NKD1: variants seen among roughly 807,000 people sequenced by gnomAD.
NKD1 encodes the protein NKD inhibitor of Wnt signaling pathway 1, also known as protein naked cuticle homolog 1.
In NKD1, 21 loss-of-function variants were observed where a neutral mutation model predicts 56.0. That is an observed-to-expected ratio of 0.38 (90% confidence interval 0.27 to 0.54). The LOEUF (loss-of-function observed/expected upper bound fraction) is 0.54. Among genes scored for constraint, NKD1 ranks in the 20% least tolerant of loss-of-function variants. The pLI, the probability that NKD1 is intolerant of heterozygous loss-of-function variation, is 0.82. For synonymous variants in NKD1, 263 were observed against 265.7 expected, an observed-to-expected ratio of 0.99 and a Z score of 0.10; for missense variants, 578 against 642.7, an observed-to-expected ratio of 0.90 and a Z score of 1.09.
chr16:50,559,126 A>G (rs1206864493), intron 3 of NKD1, among the ~76,000 whole-genome samples: 1 of 152,156 alleles, frequency 6.6e-6, no homozygotes, highest in Non-Finnish European at 1.5e-5. Flanking sequence ...ACATCTGTGG[A>G]ATGGGTAGAG....
intron 8 of NKD1, among the ~76,000 whole-genome samples, chr16:50,631,916 G>A (rs1244010267): frequency 6.6e-6 from 1 of 152,360 alleles, no homozygotes; most frequent in South Asian, 2.1e-4. Context: ...CAGGCCAGGG[G>A]TTAGGCCGCC....
At chr16:50,611,034 C>G (rs1596741268) in intron 4 of NKD1, among the ~76,000 whole-genome samples, 1 of 152,192 alleles carries the variant, frequency 6.6e-6, no homozygotes, top group Non-Finnish European at 1.5e-5. Context: ...TCAGCGCACA[C>G]CCAGCCTCCC....
intron 4 of NKD1, among the ~76,000 whole-genome samples, chr16:50,610,083 C>T (rs1015563222): frequency 1.3e-5 from 2 of 152,144 alleles, no homozygotes; most frequent in Admixed American, 6.5e-5. Flanking sequence ...ATAATCTCAG[C>T]ACTTTGGGAA....
chr16:50,580,481 G>T (rs1567339881), intron 3 of NKD1, among the ~76,000 whole-genome samples: 1 of 152,262 alleles, frequency 6.6e-6, no homozygotes, highest in Admixed American at 6.5e-5. Flanking sequence ...AAGCACTCAA[G>T]AGAATAAGGG....
chr16:50,644,193 C>G lies in NKD1; in HGVS notation c.*10412C>G, dbSNP rs989422130. On this transcript the variant is annotated 3_prime_UTR_variant, in exon 10 of 10. Coordinates refer to ENST00000268459, the MANE Select transcript of NKD1 (RefSeq NM_033119.5). ...ACAAATTTTAGTGAATAGGCAATTT[C>G]GTAAATACAGAATCCACGGAGGGTG... The G allele has an allele frequency of 6.6e-6, 1 of 152,240 alleles. No individual in the cohort carries two copies. The highest frequency in any genetic ancestry group is 1.5e-5 in the Non-Finnish European group (1 of 68,038). 9.4% of individuals were successfully genotyped at this position (152,240 alleles called of 1,614,324 possible).
In NKD1 at chr16:50,643,508, C is replaced by T. The variant is rs1008335421; in HGVS notation, c.*9727C>T. On this transcript the variant is annotated 3_prime_UTR_variant, in exon 10 of 10. Coordinates refer to ENST00000268459, the MANE Select transcript of NKD1 (RefSeq NM_033119.5). ...GCTGGTGTGGCCGAGACCTCAGCCT[C>T]AGCAAGATGGTGCCCCAAGCTCTCA... The T allele has an allele frequency of 6.6e-6, 1 of 152,266 alleles. No individual in the cohort carries two copies. The highest frequency in any genetic ancestry group is 2.4e-5 in the African/African-American group (1 of 41,464). The allele number at this position is 152,266 out of a possible 1,614,324, so 9.4% of individuals were successfully genotyped here. A position where few individuals can be genotyped will look rare whatever the true frequency, so the allele number is the denominator to read the frequency against.
chr16:50,563,738 G>C (rs1249778865), intron 3 of NKD1, among the ~76,000 whole-genome samples: 1 of 141,706 alleles, frequency 7.1e-6, no homozygotes, highest in Non-Finnish European at 1.5e-5. Context: ...GCATGGAGAA[G>C]ACCCTGTGTG....
At chr16:50,627,427 G>A (rs1189987045) in intron 6 of NKD1, among the ~76,000 whole-genome samples, 2 of 152,164 alleles carry the variant, frequency 1.3e-5, no homozygotes, top group Non-Finnish European at 2.9e-5. Flanking sequence ...AAGGAAGGTG[G>A]CCCAGCCCGG....
At chr16:50,616,418 A>G (rs1961961467) in intron 4 of NKD1, among the ~76,000 whole-genome samples, 1 of 152,182 alleles carries the variant, frequency 6.6e-6, no homozygotes, top group Non-Finnish European at 1.5e-5. Flanking sequence ...GTATCATCCC[A>G]GGTTTGGATT....
At chr16:50,575,452 A>C in intron 3 of NKD1, 1 of 640,234 alleles carries the variant, frequency 1.6e-6, no homozygotes, top group Non-Finnish European at 1.9e-6. Flanking sequence ...AGGGATTTGA[A>C]GAGCCCCTTT....
chr16:50,582,975 C>G (rs1961150054), intron 3 of NKD1, among the ~76,000 whole-genome samples: 1 of 152,198 alleles, frequency 6.6e-6, no homozygotes, highest in African/African-American at 2.4e-5. Flanking sequence ...CCCCTGCACT[C>G]CAGCCTGGCG....
intron 6 of NKD1, among the ~76,000 whole-genome samples, chr16:50,627,666 T>C (rs1365340572): frequency 6.6e-6 from 1 of 152,212 alleles, no homozygotes; most frequent in East Asian, 1.9e-4. Context: ...GTGGGCCAGC[T>C]TTCCAATCAG....
At chr16:50,605,032 A>G (rs1333136249) in intron 3 of NKD1, among the ~76,000 whole-genome samples, 1 of 152,196 alleles carries the variant, frequency 6.6e-6, no homozygotes, top group African/African-American at 2.4e-5. Context: ...CTCTGCTCCC[A>G]TGCCCACAGG....
chr16:50,572,888 G>A (rs1268377396), intron 3 of NKD1: 2 of 984,156 alleles, frequency 2.0e-6, no homozygotes, highest in Middle Eastern at 5.2e-4. Flanking sequence ...TCATGAGGTC[G>A]GAAGGGGTGC....
rs1962652929 is a variant in NKD1 at position 50,645,200 on chromosome 16, A to C, written c.*11419A>C. The C allele has an allele frequency of 6.6e-6, 1 of 152,284 alleles. No homozygotes were observed. The highest frequency in any genetic ancestry group is 6.5e-5 in the Admixed American group (1 of 15,272). 9.4% of individuals were successfully genotyped at this position (152,284 alleles called of 1,614,324 possible). On this transcript the variant is annotated 3_prime_UTR_variant, in exon 10 of 10. Coordinates refer to ENST00000268459, the MANE Select transcript of NKD1 (RefSeq NM_033119.5). ...CTCTACCTACCTTTGTGGAGCTTTA[A>C]TCTAGTGTGGGGGACGGGGGGACTG...
intron 3 of NKD1, among the ~76,000 whole-genome samples, chr16:50,559,400 C>G (rs1042295008): frequency 1.3e-5 from 2 of 151,978 alleles, no homozygotes; most frequent in African/African-American, 4.8e-5. Context: ...TAGGAAATAG[C>G]TAGGTGGGGA....
intron 3 of NKD1, among the ~76,000 whole-genome samples, chr16:50,600,484 C>G (rs888619581): frequency 6.6e-6 from 1 of 151,964 alleles, no homozygotes; most frequent in Non-Finnish European, 1.5e-5. Context: ...CAAACCAAAC[C>G]AAGGCCCCCA....
intron 3 of NKD1, among the ~76,000 whole-genome samples, chr16:50,604,954 G>C (rs1961674118): frequency 6.6e-6 from 1 of 152,212 alleles, no homozygotes; most frequent in Non-Finnish European, 1.5e-5. Flanking sequence ...CTGCCAGCTG[G>C]GCTATTTTTC....
intron 5 of NKD1, among the ~76,000 whole-genome samples, chr16:50,622,213 A>G (rs1259664930): frequency 6.6e-6 from 1 of 152,152 alleles, no homozygotes. Flanking sequence ...CAGTGCTTAG[A>G]GGAGGGAGTA....
Sources: gnomAD v4.1 joint callset for allele counts (sites outside exome capture counted in the v4.1 genomes callset) on GRCh38, gnomAD v4.1.1 for gene constraint, MANE v1.5 for transcripts, NCBI Gene and HGNC (gene_info 2026-07-23, HGNC 2026-07-21) for gene names.